The following JMY variants were observed in gnomAD, a reference collection of about 807,000 sequenced individuals.
The protein encoded by JMY is junction-mediating and -regulatory protein.
JMY carries 46 observed loss-of-function variants against 103.3 expected under a neutral mutation model. The observed-to-expected ratio is 0.45, with a 90% CI of 0.35 to 0.57. JMY has a LOEUF of 0.57. Among genes scored for constraint, JMY ranks in the 20% least tolerant of loss-of-function variants. The probability of loss-of-function intolerance (pLI) is 0.00; values close to 1 mark genes in which losing one functional copy is unlikely to be tolerated. For synonymous variants in JMY, 526 were observed against 489.3 expected (o/e 1.07, Z -0.99); for missense variants, 1,238 against 1,255.2 (o/e 0.99, Z 0.21).
chr5:79,261,732 C>T (rs1024904562), intron 1 of JMY, among the ~76,000 whole-genome samples: 1 of 152,186 alleles, frequency 6.6e-6, no homozygotes, highest in Non-Finnish European at 1.5e-5. Context: ...GGGCATATTT[C>T]CTTAACTTTG....
intron 1 of JMY, among the ~76,000 whole-genome samples, chr5:79,266,076 C>T (rs1392652069): frequency 6.6e-6 from 1 of 152,130 alleles, no homozygotes; most frequent in Non-Finnish European, 1.5e-5. Context: ...GCCACCGTGC[C>T]TGGCCAACTT....
Position 79,237,390 on chromosome 5 carries a change from C to G in JMY, c.740C>G (p.Ser247Trp). The change falls in exon 1 of 11, where the codon TCG (serine) becomes TGG (tryptophan). Residue 247 changes from serine (S) to tryptophan (W), a missense_variant. By Grantham distance (177) the Ser-to-Trp change is radical. Transcript: ENST00000396137. ...CGCGCCGTGCACCAGCAGCTGTGCT[C>G]GGTGAACTCGCAGTTGGAGCCGTGC... Reference protein sequence around the residue: ...DLRAVHQQLCSVNSQLEPCLP... With the variant: ...DLRAVHQQLCWVNSQLEPCLP... 1 of 1,613,424 alleles carries G rather than the reference C, an allele frequency of 6.2e-7. No individual in the cohort carries two copies. The highest frequency in any genetic ancestry group is 8.5e-7 in the Non-Finnish European group (1 of 1,179,962).
rs1747613518 is a variant in JMY, at chr5:79,325,631, A to T, written c.*4029A>T. 6.6e-6 allele frequency: 1 copy of T among 152,212 alleles called. No homozygotes were observed. 9.4% of individuals were successfully genotyped at this position (152,212 alleles called of 1,614,324 possible). Reference sequence around the variant, plus strand: ...AGTGGAAGCACCTTACTGTTAGAGCATGTTGCATCTATTTAGTGCTACTGA... The same window carrying T: ...AGTGGAAGCACCTTACTGTTAGAGCTTGTTGCATCTATTTAGTGCTACTGA... On this transcript the variant is annotated 3_prime_UTR_variant, in exon 11 of 11. Coordinates refer to ENST00000396137, the MANE Select transcript of JMY (RefSeq NM_152405.5).
At chr5:79,253,604 A>G (rs1022095421) in intron 1 of JMY, among the ~76,000 whole-genome samples, 1 of 152,228 alleles carries the variant, frequency 6.6e-6, no homozygotes, top group Middle Eastern at 3.4e-3. Context: ...TCATCATTTA[A>G]TCTTTCTAAG....
chr5:79,274,198 A>G (rs1745869649), intron 1 of JMY, among the ~76,000 whole-genome samples: 2 of 152,136 alleles, frequency 1.3e-5, no homozygotes, highest in African/African-American at 2.4e-5. Context: ...TATTAGAACC[A>G]TACTCTATAC....
At chr5:79,269,032 G>C (rs1341428062) in intron 1 of JMY, among the ~76,000 whole-genome samples, 1 of 152,020 alleles carries the variant, frequency 6.6e-6, no homozygotes, top group Non-Finnish European at 1.5e-5. Context: ...TTTTTTAATG[G>C]ATTGTGTTTT....
At chr5:79,287,096 T>C (rs934920436) in intron 2 of JMY, among the ~76,000 whole-genome samples, 1 of 152,042 alleles carries the variant, frequency 6.6e-6, no homozygotes, top group Admixed American at 6.6e-5. Context: ...ACTGAGGGGT[T>C]GGTTTGTCTT....
Position 79,321,177 on chromosome 5 carries a change from T to C in JMY, c.*4-429T>C, listed in dbSNP as rs1747437003. Among the ~76,000 whole-genome samples the C allele has an allele frequency of 3.9e-5, 6 of 152,226 alleles. No individual in the cohort carries two copies. In the South Asian group the frequency reaches 1.2e-3, roughly 31 times the overall value. On this transcript the variant is annotated intron_variant, in intron 10 of 10. Transcript: ENST00000396137. ...GCTCCTGTGCTTTGGGTACGCCCCATAGATCTTAAGCACAACACTTTTCAA... is the reference window on the plus strand; with the variant it reads ...GCTCCTGTGCTTTGGGTACGCCCCACAGATCTTAAGCACAACACTTTTCAA...
intron 1 of JMY, among the ~76,000 whole-genome samples, chr5:79,248,609 C>A (rs78757034): frequency 9.2e-5 from 14 of 151,962 alleles, no homozygotes; most frequent in African/African-American, 2.7e-4. Context: ...GCGCCGGCCT[C>A]CTTCTTATAA....
rs1356699236 is a variant in JMY, at chr5:79,278,018, C to G, written c.1141C>G (p.Gln381Glu). The G allele has an allele frequency of 5.6e-6, 9 of 1,613,920 alleles. No individual in the cohort carries two copies. Among genetic ancestry groups the G allele is most frequent in the Non-Finnish European group, 7.6e-6 (9 of 1,179,980 alleles). ...SLAEATTELY[Q>E]YLLQPFRDMR... ...TGCAGAAGCTACAACCGAACTCTAT[C>G]AGTATTTACTACAGCCATTCCGAGA... Residue 381 changes from glutamine to glutamate, a missense_variant, in exon 2 of 11, where the codon CAG (glutamine) becomes GAG (glutamate). Transcript: ENST00000396137.
rs1043564374 is a variant in JMY at position 79,323,231 on chromosome 5, C to T, written c.*1629C>T. ...CCTGCTAAAGTGCTAGGATTATAGG[C>T]GTGAGCCTCTGTGCCCAGCCTGACA... On this transcript the variant is annotated 3_prime_UTR_variant, in exon 11 of 11. Transcript: ENST00000396137. 1.3e-5 allele frequency: 2 copies of T among 152,336 alleles called. No individual in the cohort carries two copies. The highest frequency in any genetic ancestry group is 2.1e-4 in the South Asian group (1 of 4,822). 9.4% of individuals were successfully genotyped at this position (152,336 alleles called of 1,614,324 possible).
In JMY at chr5:79,321,940, AC is replaced by A. The variant is rs1747465902; in HGVS notation, c.*339del. 6.6e-6 allele frequency: 1 copy of A among 152,224 alleles called. No individual in the cohort carries two copies. Among genetic ancestry groups the A allele is most frequent in the African/African-American group, 2.4e-5 (1 of 41,454 alleles). The allele number at this position is 152,224 out of a possible 1,614,324, so 9.4% of individuals were successfully genotyped here. On this transcript the variant is annotated 3_prime_UTR_variant, in exon 11 of 11. Coordinates refer to ENST00000396137, the MANE Select transcript of JMY (RefSeq NM_152405.5). ...AGGGCTTGCTGTAAGTTGGAAGAAC[AC>A]TGGGTTGACAGAGATCTACTGTGAG...
At chr5:79,250,015 T>G (rs1283273248) in intron 1 of JMY, among the ~76,000 whole-genome samples, 1 of 152,212 alleles carries the variant, frequency 6.6e-6, no homozygotes, top group African/African-American at 2.4e-5. Context: ...AATGAAAGAA[T>G]GTACGTGAAG....
intron 10 of JMY, among the ~76,000 whole-genome samples, chr5:79,319,905 A>G (rs1191941189): frequency 1.3e-5 from 2 of 152,122 alleles, no homozygotes; most frequent in Non-Finnish European, 1.5e-5. Context: ...AGATTTTGTC[A>G]TTAATGTACT....
chr5:79,291,057 G>A (rs979442234), intron 3 of JMY, 73 bp from the exon 4 acceptor site: 2 of 1,055,846 alleles, frequency 1.9e-6, no homozygotes, highest in African/African-American at 1.6e-5. Context: ...TGTGTGGTCA[G>A]TGAAATCTTT....
chr5:79,269,076 G>C (rs553778584), intron 1 of JMY, among the ~76,000 whole-genome samples: 21 of 150,142 alleles, frequency 1.4e-4, no homozygotes, highest in Non-Finnish European at 2.6e-4. Context: ...CCAAAGGCAA[G>C]GTCAGCTGGA....
At chr5:79,246,278 G>A (rs1580326544) in intron 1 of JMY, among the ~76,000 whole-genome samples, 2 of 152,246 alleles carry the variant, frequency 1.3e-5, no homozygotes, top group South Asian at 4.1e-4. Flanking sequence ...CTATCTAGAT[G>A]AGTTTCTATC....
chr5:79,322,641 A>T lies in JMY; in HGVS notation c.*1039A>T, dbSNP rs1747493887. 1 of 152,226 alleles carries T rather than the reference A, an allele frequency of 6.6e-6. No individual in the cohort carries two copies. Among genetic ancestry groups the T allele is most frequent in the East Asian group, 1.9e-4 (1 of 5,202 alleles). The allele number at this position is 152,226 out of a possible 1,614,324, so 9.4% of individuals were successfully genotyped here. A position where few individuals can be genotyped will look rare whatever the true frequency, so the allele number is the denominator to read the frequency against. ...ATGCACTGAATGGAATTTTGGGAGA[A>T]TGCCTTTGTTATAGTCACTAAAATT... is the stretch of plus-strand genomic sequence containing the variant. On this transcript the variant is annotated 3_prime_UTR_variant, in exon 11 of 11. Coordinates refer to ENST00000396137, the MANE Select transcript of JMY (RefSeq NM_152405.5).
At chr5:79,251,526 A>G (rs1352484811) in intron 1 of JMY, among the ~76,000 whole-genome samples, 1 of 152,084 alleles carries the variant, frequency 6.6e-6, no homozygotes, top group African/African-American at 2.4e-5. Context: ...CCCCTCAAGC[A>G]TTTGTCCTTT....
Sources: gnomAD v4.1 joint callset for allele counts (sites outside exome capture counted in the v4.1 genomes callset) on GRCh38, gnomAD v4.1.1 for gene constraint, MANE v1.5 for transcripts, NCBI Gene and HGNC (gene_info 2026-07-23, HGNC 2026-07-21) for gene names.